Variants in LY6D observed in about 807,000 individuals in gnomAD.
LY6D encodes the protein lymphocyte antigen 6D.
In LY6D, 7 loss-of-function variants were observed where a neutral mutation model predicts 5.6. The ratio of observed to expected loss-of-function variants is 1.24; its 90% CI spans 0.71 to 2.34. LY6D has a LOEUF of 2.34. Among genes scored for constraint, LY6D ranks in the 30% most tolerant of loss-of-function variants. The pLI, the probability that LY6D is intolerant of heterozygous loss-of-function variation, is 0.00. For synonymous variants in LY6D, 81 were observed against 75.0 expected (o/e 1.08, Z -0.41); for missense variants, 148 against 164.8 (o/e 0.90, Z 0.56).
At chr8:142,785,788 C>T (rs1266064692) in intron 1 of LY6D, 101 bp from the exon 2 acceptor site, 3 of 1,515,130 alleles carry the variant, frequency 2.0e-6, no homozygotes, top group Non-Finnish European at 2.7e-6. Context: ...TGGACAGAGG[C>T]CCTGCTGCCC....
chr8:142,786,027 GCT>G, intron 1 of LY6D: 1 of 1,220,456 alleles, frequency 8.2e-7, no homozygotes, highest in East Asian at 4.1e-5. Context: ...GGAGGAGATG[GCT>G]ATGTTTCTGA....
chr8:142,786,364 G>T (rs1815655039), intron 1 of LY6D, 101 bp downstream of exon 1: 3 of 1,442,482 alleles, frequency 2.1e-6, no homozygotes, highest in Non-Finnish European at 2.7e-6. Context: ...CAGTGTCGGG[G>T]TTCTCTGTGC....
Position 142,785,167 on chromosome 8 carries a change from G to T in LY6D, c.*54C>A. On this transcript the variant is annotated 3_prime_UTR_variant, in exon 3 of 3. Transcript: ENST00000301263. ...GTTGCGGCTGGGGAAGAGAGGTGTG[G>T]AATCCCCAGAGAAAGGGAAGGAAAG... The T allele has an allele frequency of 7.1e-7, 1 of 1,404,358 alleles. No homozygotes were observed. The highest frequency in any genetic ancestry group is 9.8e-7 in the Non-Finnish European group (1 of 1,016,588). 87.0% of individuals were successfully genotyped at this position (1,404,358 alleles called of 1,614,324 possible).
rs556373871 is a variant in LY6D, at chr8:142,785,759, C to T, written c.53-72G>A. On this transcript the variant is annotated intron_variant, in intron 1 of 2. Coordinates refer to ENST00000301263, the MANE Select transcript of LY6D (RefSeq NM_003695.3). ...GGTGACTCAGCAGGGCCTGCTCCCCCACCTGCAGAGACCCCTCCTGGACAG... is the reference window on the plus strand; with the variant it reads ...GGTGACTCAGCAGGGCCTGCTCCCCTACCTGCAGAGACCCCTCCTGGACAG... 87 of 1,583,022 alleles carry T rather than the reference C, an allele frequency of 5.5e-5. No individual in the cohort carries two copies. In the South Asian group the frequency reaches 9.1e-4, roughly 17 times the overall value.
rs773591096 is a variant in LY6D at position 142,785,689 on chromosome 8, T to C, written c.53-2A>G. 8.7e-6 allele frequency: 14 copies of C among 1,613,140 alleles called. No homozygotes were observed. In the Admixed American group the frequency reaches 2.2e-4, roughly 25 times the overall value. On this transcript the variant is annotated splice_acceptor_variant, in intron 1 of 2. Transcript: ENST00000301263. LOFTEE classifies it high-confidence loss of function. ...ACACGTGGCAGCGCAGGGTAAGGGC[T>C]GGCGGGGAGGGAGTCCGGCTCAGCG...
In LY6D at chr8:142,786,478, C is replaced by G; in HGVS notation, c.39G>C (p.Val13=). ...CCAGCCCCTCACCTGGCCCTGTAGC[C>G]ACAGCCAGGGCTGCAAGGAGCAGCA... is the stretch of plus-strand genomic sequence containing the variant. ...TALLLLAALA[V]ATGPALTLRC... is the part of the protein sequence containing the mutation. The change falls in exon 1 of 3, where the codon GTG becomes GTC. Residue 13 remains valine (V), a synonymous_variant. Transcript: ENST00000301263. The G allele has an allele frequency of 6.5e-7, 1 of 1,548,824 alleles. No individual in the cohort carries two copies. Among genetic ancestry groups the G allele is most frequent in the Non-Finnish European group, 8.7e-7 (1 of 1,146,026 alleles).
At position 142,785,371 on chromosome 8, in the gene LY6D, G is replaced by A. The variant is rs372759100; in HGVS notation, c.237C>T (p.Ser79=). Residue 79 remains serine (S), a synonymous_variant, in exon 3 of 3, where the codon AGC becomes AGT. Coordinates refer to ENST00000301263, the MANE Select transcript of LY6D (RefSeq NM_003695.3). ...PSYTLQGQVS[S]GTSSTQCCQE... ...GGCAGCACTGGGTGGAGCTGGTGCCGCTGCTGACCTGGCCTTGCAGGGTGT... is the reference window on the plus strand; with the variant it reads ...GGCAGCACTGGGTGGAGCTGGTGCCACTGCTGACCTGGCCTTGCAGGGTGT... 4.9e-5 allele frequency: 79 copies of A among 1,613,382 alleles called. No homozygotes were observed. The highest frequency in any genetic ancestry group is 1.6e-4 in the Middle Eastern group (1 of 6,084).
chr8:142,785,915 C>T (rs367629175), intron 1 of LY6D: 6 of 1,404,818 alleles, frequency 4.3e-6, no homozygotes, highest in East Asian at 2.6e-5. Context: ...CCTGCCCTGC[C>T]CCTGTCTAGG....
Position 142,785,575 on chromosome 8 carries a change from C to G in LY6D, c.151+14G>C. 1 of 1,613,220 alleles carries G rather than the reference C, an allele frequency of 6.2e-7. No individual in the cohort carries two copies. The highest frequency in any genetic ancestry group is 8.5e-7 in the Non-Finnish European group (1 of 1,179,656). On this transcript the variant is annotated intron_variant, in intron 2 of 2. Transcript: ENST00000301263. Reference sequence around the variant, plus strand: ...TCCCCCAGCCCCAGGGACACCTGGACAGATGCTACCCACCTGTGTTCGTGG... The same window carrying G: ...TCCCCCAGCCCCAGGGACACCTGGAGAGATGCTACCCACCTGTGTTCGTGG...
intron 2 of LY6D, 25 bp downstream of exon 2, chr8:142,785,564 G>A (rs1366502278): frequency 1.2e-6 from 2 of 1,610,808 alleles, no homozygotes; most frequent in Admixed American, 1.7e-5. Flanking sequence ...CCAGCCCCAG[G>A]GACACCTGGA....
Position 142,786,191 on chromosome 8 carries a change from C to T in LY6D, c.52+274G>A, listed in dbSNP as rs1055456730. 1.1e-5 allele frequency: 14 copies of T among 1,295,306 alleles called. No homozygotes were observed. In the East Asian group the frequency reaches 3.8e-4, roughly 35 times the overall value. The allele number at this position is 1,295,306 out of a possible 1,614,324, so 80.2% of individuals were successfully genotyped here. ...TGGTGGCAGGGACTAGATGGCCGCT[C>T]TCCCAGTGAGAAGCATCTCAAGACA... On this transcript the variant is annotated intron_variant, in intron 1 of 2. Coordinates refer to ENST00000301263, the MANE Select transcript of LY6D (RefSeq NM_003695.3).
chr8:142,784,982 C>A lies in LY6D; in HGVS notation c.*239G>T. On this transcript the variant is annotated 3_prime_UTR_variant, in exon 3 of 3. Coordinates refer to ENST00000301263, the MANE Select transcript of LY6D (RefSeq NM_003695.3). The stretch of plus-strand genomic sequence containing the variant: ...ATCCGGGGATCCACAGGGCTTCTGT[C>A]CTCCACCTTCCATGCAGCTGGGGGC... 1.9e-6 allele frequency: 1 copy of A among 535,252 alleles called. No homozygotes were observed. The highest frequency in any genetic ancestry group is 3.3e-6 in the Non-Finnish European group (1 of 300,824). The allele number at this position is 535,252 out of a possible 1,614,324, so 33.2% of individuals were successfully genotyped here. A position where few individuals can be genotyped will look rare whatever the true frequency, so the allele number is the denominator to read the frequency against.
At chr8:142,786,430 G>GGGCCCCCCCCC in intron 1 of LY6D, 35 bp downstream of exon 1, 1 of 1,434,822 alleles carries the variant, frequency 7.0e-7, no homozygotes, top group Non-Finnish European at 9.4e-7. Flanking sequence ...GGCCACAGCC[G>GGGCCCCCCCCC]CCCACCCGCC....
In LY6D at chr8:142,785,329, A is replaced by G. The variant is rs1815635747; in HGVS notation, c.279T>C (p.Asn93=). ...STQCCQEDLC[N]EKLHNAAPTR... ...TGGGTGCAGCGTTGTGCAGCTTCTC[A>G]TTGCACAGGTCCTCCTGGCAGCACT... Residue 93 remains asparagine (N), a synonymous_variant, in exon 3 of 3, where the codon AAT becomes AAC. Transcript: ENST00000301263. 6.2e-7 allele frequency: 1 copy of G among 1,613,444 alleles called. No homozygotes were observed. The highest frequency in any genetic ancestry group is 8.5e-7 in the Non-Finnish European group (1 of 1,179,670).
At chr8:142,786,074 G>C in intron 1 of LY6D, 1 of 1,192,666 alleles carries the variant, frequency 8.4e-7, no homozygotes. Context: ...GGGGCAGCCA[G>C]CTTGGCTGCT....
rs1370641774 is a variant in LY6D, at chr8:142,785,233, G to C, written c.375C>G (p.Ala125=). 1 of 1,606,094 alleles carries C rather than the reference G, an allele frequency of 6.2e-7. No homozygotes were observed. The highest frequency in any genetic ancestry group is 2.2e-5 in the East Asian group (1 of 44,654). ...LALSLLAVIL[A]PSL The stretch of plus-strand genomic sequence containing the variant: ...CCTGGGGGGAAGGTCACAGGCTGGG[G>C]GCTAAGATGACGGCCAGGAGGCTCA... The change falls in exon 3 of 3, where the codon GCC becomes GCG. Residue 125 remains alanine (A), a synonymous_variant. Coordinates refer to ENST00000301263, the MANE Select transcript of LY6D (RefSeq NM_003695.3).
intron 1 of LY6D, 149 bp from the exon 2 acceptor site, chr8:142,785,836 C>A: frequency 6.9e-7 from 1 of 1,453,440 alleles, no homozygotes; most frequent in South Asian, 1.4e-5. Context: ...TGGGTCCTGG[C>A]AGGGCATGTG....
Position 142,785,142 on chromosome 8 carries a change from G to C in LY6D, c.*79C>G, listed in dbSNP as rs747058296. The C allele has an allele frequency of 8.4e-7, 1 of 1,195,318 alleles. No homozygotes were observed. Among genetic ancestry groups the C allele is most frequent in the Middle Eastern group, 2.9e-4 (1 of 3,460 alleles). The allele number at this position is 1,195,318 out of a possible 1,614,324, so 74.0% of individuals were successfully genotyped here. ...TCAGCCTGGGGCTCCTGGCACCCCC[G>C]TTGCGGCTGGGGAAGAGAGGTGTGG... On this transcript the variant is annotated 3_prime_UTR_variant, in exon 3 of 3. Transcript: ENST00000301263.
chr8:142,786,008 G>A, intron 1 of LY6D: 1 of 1,270,508 alleles, frequency 7.9e-7, no homozygotes, highest in Non-Finnish European at 1.0e-6. Flanking sequence ...CACCCCAGGG[G>A]ATGTCCCTGG....
Sources: allele counts gnomAD v4.1 joint callset, GRCh38; gene constraint gnomAD v4.1.1; transcripts MANE v1.5; gene names NCBI Gene and HGNC (gene_info 2026-07-23, HGNC 2026-07-21).